The following CUX2 variants were observed in gnomAD, a reference collection of about 807,000 sequenced individuals.
CUX2 encodes homeobox protein cut-like 2.
A neutral mutation model predicts 144.8 loss-of-function variants in CUX2; 40 were observed. That is an observed-to-expected ratio of 0.28 (90% confidence interval 0.21 to 0.36). CUX2 has a LOEUF of 0.36. CUX2 is among the 10% of genes least tolerant of loss of function. The probability of loss-of-function intolerance (pLI) is 1.00; values close to 1 mark genes in which losing one functional copy is unlikely to be tolerated. For synonymous variants in CUX2, 827 were observed against 875.6 expected, an observed-to-expected ratio of 0.94 and a Z score of 0.98; for missense variants, 1,615 against 1,994.0, an observed-to-expected ratio of 0.81 and a Z score of 3.62.
At chr12:111,237,232 A>C (rs1395638750) in intron 3 of CUX2, among the ~76,000 whole-genome samples, 1 of 152,188 alleles carries the variant, frequency 6.6e-6, no homozygotes, top group Non-Finnish European at 1.5e-5. Context: ...TCCATCCCCC[A>C]TCACCTGACA....
chr12:111,202,145 T>C (rs1282084236), intron 1 of CUX2, among the ~76,000 whole-genome samples: 1 of 152,102 alleles, frequency 6.6e-6, no homozygotes, highest in Non-Finnish European at 1.5e-5. Flanking sequence ...GAATGATCAT[T>C]TTGTGGGATC....
At chr12:111,139,821 T>G (rs1876176325) in intron 1 of CUX2, among the ~76,000 whole-genome samples, 1 of 152,170 alleles carries the variant, frequency 6.6e-6, no homozygotes, top group African/African-American at 2.4e-5. Flanking sequence ...TCAAAGGTGG[T>G]GGACCCACCT....
At position 111,077,197 on chromosome 12, in the gene CUX2, T is replaced by A. The variant is rs1871583931; in HGVS notation, c.63+42957T>A. Among the ~76,000 whole-genome samples, 1 of 152,196 alleles carries A rather than the reference T, an allele frequency of 6.6e-6. No individual in the cohort carries two copies. Among genetic ancestry groups the A allele is most frequent in the Admixed American group, 6.5e-5 (1 of 15,280 alleles). On this transcript the variant is annotated intron_variant, in intron 1 of 21. Coordinates refer to ENST00000261726, the MANE Select transcript of CUX2 (RefSeq NM_015267.4). The surrounding 1 kb of genome is among the most constrained non-coding windows in gnomAD (Gnocchi z 4.1). ...TTATTAACTTGGGAATTCCAAATAGTGCTCCCAAACCCCGCAGCGCCCCCG... is the reference window on the plus strand; with the variant it reads ...TTATTAACTTGGGAATTCCAAATAGAGCTCCCAAACCCCGCAGCGCCCCCG...
intron 1 of CUX2, among the ~76,000 whole-genome samples, chr12:111,107,345 G>T (rs960492573): frequency 1.3e-5 from 2 of 152,234 alleles, no homozygotes; most frequent in African/African-American, 4.8e-5. Context: ...TCCTTTGCAG[G>T]AACTTTTTTG....
intron 1 of CUX2, among the ~76,000 whole-genome samples, chr12:111,119,314 G>A (rs1230912322): frequency 1.3e-5 from 2 of 152,116 alleles, no homozygotes; most frequent in African/African-American, 4.8e-5. Flanking sequence ...TAAAATCTAT[G>A]TACATTGGCT....
At chr12:111,123,627 T>A (rs1458232549) in intron 1 of CUX2, among the ~76,000 whole-genome samples, 1 of 152,082 alleles carries the variant, frequency 6.6e-6, no homozygotes, top group East Asian at 1.9e-4. Flanking sequence ...CTTCCACCTC[T>A]CAGGCTCAAG....
At chr12:111,243,748 A>C (rs1176141542) in intron 3 of CUX2, among the ~76,000 whole-genome samples, 2 of 152,004 alleles carry the variant, frequency 1.3e-5, no homozygotes, top group Non-Finnish European at 2.9e-5. Context: ...CAGAACTTTC[A>C]GTTTTAAAAC....
At chr12:111,239,985 G>A (rs1022470753) in intron 3 of CUX2, among the ~76,000 whole-genome samples, 1 of 152,192 alleles carries the variant, frequency 6.6e-6, no homozygotes, top group Non-Finnish European at 1.5e-5. Flanking sequence ...ACAAAAATGC[G>A]GCCAAGTGAG....
At chr12:111,204,192 G>T (rs1880778353) in intron 1 of CUX2, among the ~76,000 whole-genome samples, 1 of 152,250 alleles carries the variant, frequency 6.6e-6, no homozygotes, top group Admixed American at 6.5e-5. Flanking sequence ...AAGCAAGAAG[G>T]TCAGGACCTG....
At chr12:111,148,545 C>T (rs549135428) in intron 1 of CUX2, among the ~76,000 whole-genome samples, 28 of 152,204 alleles carry the variant, frequency 1.8e-4, no homozygotes, top group Non-Finnish European at 3.7e-4. Context: ...GTATATTTTA[C>T]GATAAAAAGT....
intron 1 of CUX2, chr12:111,099,360 G>A (rs1427498446): frequency 2.8e-6 from 1 of 353,564 alleles, no homozygotes; most frequent in Non-Finnish European, 5.6e-6. Context: ...TGCATTTTGG[G>A]GTCTAGGCCT....
chr12:111,321,832 G>A (rs970071126), intron 17 of CUX2, among the ~76,000 whole-genome samples: 6 of 152,174 alleles, frequency 3.9e-5, no homozygotes, highest in African/African-American at 1.4e-4. Flanking sequence ...AAAGGGCCAG[G>A]CAAGCTCGGA....
intron 4 of CUX2, among the ~76,000 whole-genome samples, chr12:111,290,418 T>A (rs1885610901): frequency 6.6e-6 from 1 of 151,888 alleles, no homozygotes; most frequent in South Asian, 2.1e-4. Context: ...TGTGCCACCA[T>A]GCCCAGCTAA....
At chr12:111,347,478 G>A (rs1888854065) in intron 21 of CUX2, 46 bp from the exon 22 acceptor site, 2 of 1,519,062 alleles carry the variant, frequency 1.3e-6, no homozygotes, top group Non-Finnish European at 8.8e-7. Flanking sequence ...TCCAGGGTTT[G>A]GGAGTCCCCT....
chr12:111,103,915 C>A (rs1295119877), intron 1 of CUX2, among the ~76,000 whole-genome samples: 1 of 152,160 alleles, frequency 6.6e-6, no homozygotes, highest in Non-Finnish European at 1.5e-5. Flanking sequence ...CTTGGCAGCT[C>A]CCAGGGAAAG....
intron 1 of CUX2, among the ~76,000 whole-genome samples, chr12:111,094,051 T>A (rs1592888073): frequency 6.6e-6 from 1 of 152,340 alleles, no homozygotes; most frequent in African/African-American, 2.4e-5. Flanking sequence ...AAGTATCTAA[T>A]AGTGAACTTT....
intron 1 of CUX2, among the ~76,000 whole-genome samples, chr12:111,042,218 C>T (rs946925435): frequency 6.6e-6 from 1 of 152,164 alleles, no homozygotes; most frequent in Middle Eastern, 3.2e-3. Flanking sequence ...TCCCGGGGAA[C>T]CATTATGGTC....
chr12:111,078,161 C>A (rs1871638362), intron 1 of CUX2, among the ~76,000 whole-genome samples: 1 of 152,138 alleles, frequency 6.6e-6, no homozygotes, highest in African/African-American at 2.4e-5. Context: ...ATTCAACAAC[C>A]AGTTGAGCCC....
intron 3 of CUX2, among the ~76,000 whole-genome samples, chr12:111,234,207 G>C (rs147690802): frequency 1.3e-5 from 2 of 152,304 alleles, no homozygotes; most frequent in African/African-American, 4.8e-5. Context: ...TCACTGTCAG[G>C]GAATAGGACA....
Sources: gnomAD v4.1 joint callset for allele counts (sites outside exome capture counted in the v4.1 genomes callset) on GRCh38, gnomAD v4.1.1 for gene constraint, Gnocchi (gnomAD v3.1) non-coding constraint, MANE v1.5 for transcripts, NCBI Gene and HGNC (gene_info 2026-07-23, HGNC 2026-07-21) for gene names.